Variants in STK4 observed in about 807,000 individuals in gnomAD.
STK4 encodes the protein serine/threonine kinase 4.
STK4 carries 30 observed loss-of-function variants against 64.9 expected under a neutral mutation model. That is an observed-to-expected ratio of 0.46 (90% CI 0.35 to 0.63). The LOEUF is 0.63. Ranked by LOEUF, STK4 falls within the 20% of genes least tolerant of loss-of-function variation. STK4 has a pLI of 0.01. For synonymous variants in STK4, 177 were observed against 199.0 expected (o/e 0.89, Z 0.93); for missense variants, 466 against 598.5 (o/e 0.78, Z 2.31).
At chr20:45,043,599 TAC>T (rs1265322013) in intron 10 of STK4, among the ~76,000 whole-genome samples, 1 of 152,194 alleles carries the variant, frequency 6.6e-6, no homozygotes, top group Non-Finnish European at 1.5e-5. Flanking sequence ...TGCAATATAA[TAC>T]AGATTGAGTA....
At chr20:45,054,276 G>A (rs1029892326) in intron 10 of STK4, among the ~76,000 whole-genome samples, 56 of 152,124 alleles carry the variant, frequency 3.7e-4, no homozygotes, top group African/African-American at 1.3e-3. Flanking sequence ...TAAAAGTGCA[G>A]ACTCCTGGCC....
At chr20:45,032,545 T>G (rs754085023) in intron 10 of STK4, among the ~76,000 whole-genome samples, 2 of 152,186 alleles carry the variant, frequency 1.3e-5, no homozygotes, top group African/African-American at 4.8e-5. Flanking sequence ...GTCCTTGTGT[T>G]AGTTTGCTTG....
chr20:45,015,935 C>T (rs2068133526), intron 9 of STK4, among the ~76,000 whole-genome samples: 1 of 152,118 alleles, frequency 6.6e-6, no homozygotes, highest in African/African-American at 2.4e-5. Context: ...TTCAACAGTG[C>T]TACTTTTCTT....
chr20:45,076,495 G>C lies in STK4; in HGVS notation c.*1319G>C, dbSNP rs1407433519. On this transcript the variant is annotated 3_prime_UTR_variant, in exon 11 of 11. Transcript: ENST00000372806. This position sits in a 1 kb window ranked among gnomAD's most constrained non-coding sequence, Gnocchi z 4.0. ...ATTGTTCCAGGGAACCTTGCTAACAGAAACTTGCTCTTGCCTTGGCTCTTC... is the reference window on the plus strand; with the variant it reads ...ATTGTTCCAGGGAACCTTGCTAACACAAACTTGCTCTTGCCTTGGCTCTTC... The C allele has an allele frequency of 6.6e-6, 1 of 152,250 alleles. No homozygotes were observed. The highest frequency in any genetic ancestry group is 1.5e-5 in the Non-Finnish European group (1 of 68,054). The allele number at this position is 152,250 out of a possible 1,614,324, so 9.4% of individuals were successfully genotyped here. A position where few individuals can be genotyped will look rare whatever the true frequency, so the allele number is the denominator to read the frequency against.
rs1975260526 is a variant in STK4, at chr20:45,045,859, T to G, written c.1305+20729T>G. ...TCTCGCTCTGTCGCCCAGGCTGGAGTGCAGTGGCCCAATCTCGGCTCACTG... is the reference window on the plus strand; with the variant it reads ...TCTCGCTCTGTCGCCCAGGCTGGAGGGCAGTGGCCCAATCTCGGCTCACTG... On this transcript the variant is annotated intron_variant, in intron 10 of 10. Coordinates refer to ENST00000372806, the MANE Select transcript of STK4 (RefSeq NM_006282.5). Among the ~76,000 whole-genome samples the G allele has an allele frequency of 2.6e-5, 4 of 152,070 alleles. No homozygotes were observed. The South Asian group carries it at 8.3e-4, about 32-fold the overall frequency.
intron 10 of STK4, among the ~76,000 whole-genome samples, chr20:45,061,012 T>C (rs1568764415): frequency 6.6e-6 from 1 of 152,164 alleles, no homozygotes; most frequent in Non-Finnish European, 1.5e-5. Flanking sequence ...CCTTGGGGGA[T>C]AGGAAAGTTT....
intron 9 of STK4, among the ~76,000 whole-genome samples, chr20:45,005,601 T>C (rs1371658462): frequency 7.3e-6 from 1 of 136,772 alleles, no homozygotes; most frequent in African/African-American, 2.8e-5. Context: ...TGAACCGAGA[T>C]CGCGCCACTG....
chr20:45,053,036 A>C, intron 10 of STK4: 3 of 1,431,550 alleles, frequency 2.1e-6, no homozygotes, highest in Non-Finnish European at 2.9e-6. Flanking sequence ...TTGAGACTGA[A>C]TTTATTTGTG....
intron 10 of STK4, among the ~76,000 whole-genome samples, chr20:45,063,921 C>T (rs1399746332): frequency 6.6e-6 from 1 of 152,086 alleles, no homozygotes; most frequent in Non-Finnish European, 1.5e-5. Context: ...CATTCTTCTG[C>T]CTCAGCCTCC....
intron 9 of STK4, among the ~76,000 whole-genome samples, chr20:45,013,664 T>A (rs2068092165): frequency 6.6e-6 from 1 of 152,212 alleles, no homozygotes; most frequent in African/African-American, 2.4e-5. Context: ...AACATGTTAT[T>A]AATTTTCATT....
Position 45,075,244 on chromosome 20 carries a change from T to C in STK4, c.*68T>C, listed in dbSNP as rs952331443. 34 of 1,567,018 alleles carry C rather than the reference T, an allele frequency of 2.2e-5. No individual in the cohort carries two copies. In the Admixed American group the frequency reaches 4.6e-4, roughly 21 times the overall value. ...GGTGAATTCTGGATGGCTTGCCTCA[T>C]GTTTGTTAGCCAGCACTTCTGCTCT... On this transcript the variant is annotated 3_prime_UTR_variant, in exon 11 of 11. Transcript: ENST00000372806.
At chr20:44,992,435 AT>A (rs1248004622) in intron 5 of STK4, among the ~76,000 whole-genome samples, 19 of 150,806 alleles carry the variant, frequency 1.3e-4, no homozygotes, top group Admixed American at 1.3e-3. Flanking sequence ...AAATTTTAAC[AT>A]TTTTTATAGA....
intron 10 of STK4, among the ~76,000 whole-genome samples, chr20:45,050,132 G>T (rs1475951550): frequency 6.6e-6 from 1 of 152,212 alleles, no homozygotes; most frequent in African/African-American, 2.4e-5. Flanking sequence ...AGAACAGTCA[G>T]CAGTGCTCGT....
Position 45,000,488 on chromosome 20 carries a change from C to T in STK4, c.928C>T (p.Arg310Trp), listed in dbSNP as rs764241940. The T allele has an allele frequency of 5.6e-6, 9 of 1,614,046 alleles. No homozygotes were observed. Among genetic ancestry groups the T allele is most frequent in the Non-Finnish European group, 6.8e-6 (8 of 1,179,944 alleles). Residue 310 changes from arginine (R) to tryptophan (W), a missense_variant, in exon 8 of 11, where the codon CGG becomes TGG. Transcript: ENST00000372806. ...VKLKRQESQQ[R>W]EVDQDDEENS... is the part of the protein sequence containing the mutation. The stretch of plus-strand genomic sequence containing the variant: ...ACTGAAACGCCAGGAATCCCAGCAG[C>T]GGGAAGTGGACCAGGACGATGAAGA...
intron 3 of STK4, among the ~76,000 whole-genome samples, chr20:44,980,491 TCTTGTTTGGTATCTCTCTTCCAG>T (rs1212145237): frequency 6.6e-6 from 1 of 152,222 alleles, no homozygotes; most frequent in Non-Finnish European, 1.5e-5. Flanking sequence ...TCTCTGAATT[TCTTGTTTGGTATCTCTCTTCCAG>T]CTTGAGACCT....
At chr20:45,063,650 G>A (rs549401156) in intron 10 of STK4, among the ~76,000 whole-genome samples, 50 of 152,156 alleles carry the variant, frequency 3.3e-4, no homozygotes, top group Middle Eastern at 3.4e-3. Flanking sequence ...TGGTGTCTTC[G>A]TCATGAAATC....
At chr20:45,010,315 T>G (rs2068022881) in intron 9 of STK4, among the ~76,000 whole-genome samples, 1 of 152,170 alleles carries the variant, frequency 6.6e-6, no homozygotes, top group African/African-American at 2.4e-5. Context: ...TCCGCCTGCC[T>G]CTGCCTCCCA....
At chr20:44,984,186 G>GTTTTTTTTTTTTT (rs11397664) in intron 4 of STK4, among the ~76,000 whole-genome samples, 10 of 76,052 alleles carry the variant, frequency 1.3e-4, no homozygotes, top group African/African-American at 2.1e-4. Flanking sequence ...TGTTGTCGTT[G>GTTTTTTTTTTTTT]TTTTTTTTTT....
At chr20:45,035,042 G>A (rs1017803889) in intron 10 of STK4, among the ~76,000 whole-genome samples, 2 of 151,818 alleles carry the variant, frequency 1.3e-5, no homozygotes, top group African/African-American at 2.4e-5. Context: ...CACCTTTGTT[G>A]GATGCATAGT....
Sources: allele counts gnomAD v4.1 joint callset (sites outside exome capture counted in the v4.1 genomes callset), GRCh38; gene constraint gnomAD v4.1.1; non-coding constraint Gnocchi (gnomAD v3.1); transcripts MANE v1.5; gene names NCBI Gene and HGNC (gene_info 2026-07-23, HGNC 2026-07-21).